PEX7: variants seen among roughly 807,000 people sequenced by gnomAD.
The protein encoded by PEX7 is peroxisomal biogenesis factor 7.
Under a neutral mutation model 47.5 loss-of-function variants are expected in PEX7, and 34 were observed. The ratio of observed to expected loss-of-function variants is 0.72; its 90% confidence interval spans 0.54 to 0.95. PEX7 has a LOEUF of 0.95. Ranked by LOEUF, PEX7 falls within the 40% of genes least tolerant of loss-of-function variation. The pLI, the probability that PEX7 is intolerant of heterozygous loss-of-function variation, is 0.00. For synonymous variants in PEX7, 141 were observed against 148.8 expected, an observed-to-expected ratio of 0.95 and a Z score of 0.38; for missense variants, 394 against 400.3, an observed-to-expected ratio of 0.98 and a Z score of 0.13.
intron 9 of PEX7, among the ~76,000 whole-genome samples, chr6:136,903,140 T>C (rs776653871): frequency 6.6e-6 from 1 of 152,152 alleles, no homozygotes; most frequent in Non-Finnish European, 1.5e-5. Flanking sequence ...TATTTTTAAG[T>C]GTACAGCTCA....
intron 3 of PEX7, chr6:136,830,159 C>T (rs1044427932): frequency 2.2e-5 from 14 of 639,230 alleles, no homozygotes; most frequent in Non-Finnish European, 3.4e-5. Flanking sequence ...TGAGACCTTG[C>T]GTATGTCACA....
At chr6:136,886,109 G>A (rs1582770403) in intron 8 of PEX7, among the ~76,000 whole-genome samples, 1 of 152,194 alleles carries the variant, frequency 6.6e-6, no homozygotes, top group East Asian at 1.9e-4. Flanking sequence ...GTCTTCAAGA[G>A]TGAGGTAATT....
Position 136,900,379 on chromosome 6 carries a change from TA to T in PEX7, c.903+2140del. 1 of 315,042 alleles carries T rather than the reference TA, an allele frequency of 3.2e-6. No homozygotes were observed. Among genetic ancestry groups the T allele is most frequent in the Non-Finnish European group, 6.3e-6 (1 of 157,728 alleles). 19.5% of individuals were successfully genotyped at this position (315,042 alleles called of 1,614,324 possible). A position where few individuals can be genotyped will look rare whatever the true frequency, so the allele number is the denominator to read the frequency against. On this transcript the variant is annotated intron_variant, in intron 9 of 9. Transcript: ENST00000318471. The surrounding 1 kb of genome is among the most constrained non-coding windows in gnomAD (Gnocchi z 4.2). ...TACAGAAAACTCAACCGTGTACATT[TA>T]ATCCAGTTTAGTGGCAGGTTCTTTA...
chr6:136,905,225 C>G (rs770813852), intron 9 of PEX7, among the ~76,000 whole-genome samples: 1 of 152,106 alleles, frequency 6.6e-6, no homozygotes, highest in Non-Finnish European at 1.5e-5. Context: ...TCCCATTCTT[C>G]CAGTGGGTTT....
At chr6:136,870,034 A>G in intron 7 of PEX7, 31 bp downstream of exon 7, 2 of 1,290,030 alleles carry the variant, frequency 1.6e-6, no homozygotes, top group Non-Finnish European at 2.2e-6. Flanking sequence ...TTATATGTAG[A>G]ATAAAATTAT....
Position 136,844,135 on chromosome 6 carries a change from C to T in PEX7, c.340-1480C>T, listed in dbSNP as rs543433234. 1.2e-3 allele frequency among the ~76,000 whole-genome samples: 187 copies of T among 152,104 alleles called. 3 individuals are homozygous for T. The highest frequency in any genetic ancestry group is 9.1e-3 in the East Asian group (47 of 5,182). ...AACCTAGCACTTTGGGAGGCTGAGGCGGTAGGACTGCTTGAGCCTAGGAGT... is the reference window on the plus strand; with the variant it reads ...AACCTAGCACTTTGGGAGGCTGAGGTGGTAGGACTGCTTGAGCCTAGGAGT... On this transcript the variant is annotated intron_variant, in intron 3 of 9. Transcript: ENST00000318471.
chr6:136,845,287 G>A (rs1774575512), intron 3 of PEX7, among the ~76,000 whole-genome samples: 1 of 152,192 alleles, frequency 6.6e-6, no homozygotes, highest in South Asian at 2.1e-4. Context: ...TTTCTAATCT[G>A]CTTTGACATT....
At chr6:136,864,636 C>T (rs1775025178) in intron 5 of PEX7, among the ~76,000 whole-genome samples, 1 of 152,108 alleles carries the variant, frequency 6.6e-6, no homozygotes, top group Non-Finnish European at 1.5e-5. Context: ...TTTAGCTTAA[C>T]AATATATGAT....
chr6:136,872,364 G>A, intron 8 of PEX7, 111 bp downstream of exon 8: 1 of 802,270 alleles, frequency 1.2e-6, no homozygotes, highest in South Asian at 1.6e-5. Context: ...AATAATCTGA[G>A]ATGGGTACAT....
At chr6:136,909,394 G>A (rs1431264269) in intron 9 of PEX7, among the ~76,000 whole-genome samples, 1 of 152,062 alleles carries the variant, frequency 6.6e-6, no homozygotes, top group Non-Finnish European at 1.5e-5. Context: ...CACCTAATTG[G>A]ATGCTTTTTA....
At position 136,822,860 on chromosome 6, in the gene PEX7, A is replaced by C. The variant is rs1266395621; in HGVS notation, c.130+65A>C. ...CGGAGGCGGGGGCCAGCCGGGCTCC[A>C]GTTCCTCGCGCTCGAGGGAAAGCCC... On this transcript the variant is annotated intron_variant, in intron 1 of 9. Transcript: ENST00000318471. 5 of 1,197,716 alleles carry C rather than the reference A, an allele frequency of 4.2e-6. No individual in the cohort carries two copies. The Admixed American group carries it at 2.3e-4, about 54-fold the overall frequency. The allele number at this position is 1,197,716 out of a possible 1,614,324, so 74.2% of individuals were successfully genotyped here.
At chr6:136,857,720 T>C (rs1055277592) in intron 5 of PEX7, among the ~76,000 whole-genome samples, 49 of 152,196 alleles carry the variant, frequency 3.2e-4, no homozygotes, top group African/African-American at 1.1e-3. Context: ...AAAATCAGGG[T>C]GATAATGGTA....
At chr6:136,833,881 A>G (rs999800700) in intron 3 of PEX7, among the ~76,000 whole-genome samples, 2 of 152,216 alleles carry the variant, frequency 1.3e-5, no homozygotes, top group African/African-American at 4.8e-5. Flanking sequence ...CTCTACTTGT[A>G]GCACATATTA....
intron 5 of PEX7, among the ~76,000 whole-genome samples, chr6:136,856,923 T>A (rs1183771608): frequency 6.6e-6 from 1 of 152,240 alleles, no homozygotes; most frequent in Non-Finnish European, 1.5e-5. Flanking sequence ...GTAAAGCTGT[T>A]TTCTACCAAT....
intron 9 of PEX7, among the ~76,000 whole-genome samples, chr6:136,912,874 A>G (rs1481992039): frequency 6.6e-6 from 1 of 152,096 alleles, no homozygotes; most frequent in Admixed American, 6.5e-5. Context: ...ATGTTTTCCT[A>G]TGGCTCTGTA....
At chr6:136,877,020 T>G (rs561289934) in intron 8 of PEX7, among the ~76,000 whole-genome samples, 5 of 152,220 alleles carry the variant, frequency 3.3e-5, no homozygotes, top group Non-Finnish European at 5.9e-5. Context: ...GACTTTTTAA[T>G]GATCACCATT....
intron 5 of PEX7, among the ~76,000 whole-genome samples, chr6:136,849,701 CACTGTG>C (rs1339467997): frequency 2.0e-5 from 3 of 152,150 alleles, no homozygotes; most frequent in Admixed American, 6.5e-5. Context: ...AGTTTGATTG[CACTGTG>C]GTCCGGGAGA....
intron 9 of PEX7, 90 bp downstream of exon 9, chr6:136,898,331 G>T: frequency 1.2e-6 from 1 of 831,842 alleles, no homozygotes. Context: ...TAAAATTGTT[G>T]CCATTTTAGC....
At chr6:136,872,402 A>C (rs1775199909) in intron 8 of PEX7, 149 bp downstream of exon 8, 4 of 670,780 alleles carry the variant, frequency 6.0e-6, no homozygotes, top group Non-Finnish European at 1.0e-5. Flanking sequence ...TTAATATTAT[A>C]TTTTTCCTGT....
Sources: allele counts gnomAD v4.1 joint callset (sites outside exome capture counted in the v4.1 genomes callset), GRCh38; gene constraint gnomAD v4.1.1; non-coding constraint Gnocchi (gnomAD v3.1); transcripts MANE v1.5; gene names NCBI Gene and HGNC (gene_info 2026-07-23, HGNC 2026-07-21).